The following PDE4B variants were observed in gnomAD, a reference collection of about 807,000 sequenced individuals.
The protein encoded by PDE4B is 3',5'-cyclic-AMP phosphodiesterase 4B.
In PDE4B, 20 loss-of-function variants were observed where a neutral mutation model predicts 82.2. The ratio of observed to expected loss-of-function variants is 0.24; its 90% CI spans 0.17 to 0.35. The LOEUF (loss-of-function observed/expected upper bound fraction) is 0.35, where lower values mean the gene tolerates loss of function less well. Ranked by LOEUF, PDE4B falls within the 10% of genes least tolerant of loss-of-function variation. The pLI is 1.00. For missense variants in PDE4B, 655 were observed against 907.2 expected, an observed-to-expected ratio of 0.72 and a Z score of 3.57; for synonymous variants, 320 against 318.9, an observed-to-expected ratio of 1.00 and a Z score of -0.04.
intron 3 of PDE4B, among the ~76,000 whole-genome samples, chr1:65,920,340 A>G (rs781576649): frequency 6.6e-6 from 1 of 152,200 alleles, no homozygotes; most frequent in African/African-American, 2.4e-5. Flanking sequence ...CAAAGAGGTG[A>G]AGACTGGCAC....
intron 1 of PDE4B, among the ~76,000 whole-genome samples, chr1:65,866,911 A>G (rs1646518102): frequency 6.6e-6 from 1 of 152,222 alleles, no homozygotes; most frequent in Non-Finnish European, 1.5e-5. Flanking sequence ...AAGTTAGAAA[A>G]CGTGAATATA....
intron 3 of PDE4B, among the ~76,000 whole-genome samples, chr1:66,061,233 A>G (rs1444741182): frequency 6.7e-6 from 1 of 149,390 alleles, no homozygotes; most frequent in East Asian, 2.0e-4. Flanking sequence ...AAATAATGTG[A>G]CTTCACACTG....
At chr1:65,940,224 C>T (rs1314994123) in intron 3 of PDE4B, among the ~76,000 whole-genome samples, 6 of 151,020 alleles carry the variant, frequency 4.0e-5, no homozygotes, top group Non-Finnish European at 7.4e-5. Context: ...AGAGGGACTA[C>T]AAATACAAAA....
At chr1:66,098,078 A>G (rs1645152360) in intron 3 of PDE4B, among the ~76,000 whole-genome samples, 1 of 152,100 alleles carries the variant, frequency 6.6e-6, no homozygotes, top group Non-Finnish European at 1.5e-5. Context: ...AGAAACATGA[A>G]TTAAGACTAA....
intron 3 of PDE4B, among the ~76,000 whole-genome samples, chr1:65,950,320 C>T (rs1334828531): frequency 6.6e-6 from 1 of 152,056 alleles, no homozygotes; most frequent in Non-Finnish European, 1.5e-5. Context: ...CAAGGACTAT[C>T]AACATTCCAC....
At chr1:65,859,462 C>G (rs1230251696) in intron 1 of PDE4B, among the ~76,000 whole-genome samples, 2 of 151,948 alleles carry the variant, frequency 1.3e-5, no homozygotes, top group African/African-American at 4.8e-5. Context: ...TAGGTAGATA[C>G]CATCTTTGTA....
intron 3 of PDE4B, among the ~76,000 whole-genome samples, chr1:66,164,535 C>CAAAAAAAAAAAAAAAAAAAAAAAAA (rs10718019): frequency 6.4e-4 from 31 of 48,560 alleles, no homozygotes; most frequent in Admixed American, 1.1e-3. Context: ...GACTCCGTCT[C>CAAAAAAAAAAAAAAAAAAAAAAAAA]AAAAAAAAAA....
chr1:66,336,249 A>G (rs1055300817), intron 8 of PDE4B, among the ~76,000 whole-genome samples: 7 of 152,202 alleles, frequency 4.6e-5, no homozygotes, highest in African/African-American at 1.7e-4. Flanking sequence ...AGACGCAGTC[A>G]GTAAAGTACA....
At chr1:66,107,072 T>G (rs1645378547) in intron 3 of PDE4B, among the ~76,000 whole-genome samples, 1 of 148,044 alleles carries the variant, frequency 6.8e-6, no homozygotes, top group African/African-American at 2.5e-5. Context: ...CTTGTGGGCA[T>G]TTAGTGCTAT....
At chr1:66,189,794 T>C (rs567362858) in intron 3 of PDE4B, among the ~76,000 whole-genome samples, 2 of 152,170 alleles carry the variant, frequency 1.3e-5, no homozygotes, top group Non-Finnish European at 2.9e-5. Flanking sequence ...CTCCTTTAGC[T>C]TGGAGTAGTT....
At chr1:65,832,489 G>T (rs1440182229) in intron 1 of PDE4B, among the ~76,000 whole-genome samples, 3 of 152,156 alleles carry the variant, frequency 2.0e-5, no homozygotes, top group Non-Finnish European at 4.4e-5. Context: ...AGCACAGAGC[G>T]GGAAGGCAAG....
chr1:65,846,723 T>A (rs1285737631), intron 1 of PDE4B, among the ~76,000 whole-genome samples: 1 of 152,208 alleles, frequency 6.6e-6, no homozygotes, highest in Non-Finnish European at 1.5e-5. Context: ...TCTAGCTGTG[T>A]ATCTAGTGTT....
intron 3 of PDE4B, among the ~76,000 whole-genome samples, chr1:66,188,434 G>T (rs1197464065): frequency 6.6e-6 from 1 of 151,858 alleles, no homozygotes; most frequent in East Asian, 1.9e-4. Flanking sequence ...TGACAGTGGG[G>T]TGTTAAAGTC....
At position 66,331,758 on chromosome 1, in the gene PDE4B, A is replaced by G. The variant is rs1231987319; in HGVS notation, c.635-750A>G. The G allele has an allele frequency of 7.1e-6, 7 of 985,346 alleles. No individual in the cohort carries two copies. In the African/African-American group the frequency reaches 1.0e-4, roughly 15 times the overall value. The allele number at this position is 985,346 out of a possible 1,614,324, so 61.0% of individuals were successfully genotyped here. A position where few individuals can be genotyped will look rare whatever the true frequency, so the allele number is the denominator to read the frequency against. ...GGGAAGTTTTAGCTTTGTTTAGTAT[A>G]ACAAGAGCTGCAGGACTCCCAGGCC... On this transcript the variant is annotated intron_variant, in intron 7 of 16. Coordinates refer to ENST00000341517, the MANE Select transcript of PDE4B (RefSeq NM_002600.4).
intron 3 of PDE4B, among the ~76,000 whole-genome samples, chr1:66,161,056 T>C (rs945775811): frequency 1.2e-4 from 1 of 8,630 alleles, no homozygotes; most frequent in African/African-American, 3.0e-4. Context: ...TGAAAGGCAT[T>C]TTTTTTTTCC....
intron 3 of PDE4B, among the ~76,000 whole-genome samples, chr1:66,212,166 T>C (rs1309291739): frequency 1.3e-5 from 2 of 152,226 alleles, no homozygotes; most frequent in Non-Finnish European, 2.9e-5. Context: ...TCTTCCCCAC[T>C]GTCCTTCATG....
At chr1:66,242,646 C>T (rs549804145) in intron 3 of PDE4B, among the ~76,000 whole-genome samples, 3 of 152,302 alleles carry the variant, frequency 2.0e-5, no homozygotes, top group East Asian at 1.9e-4. Flanking sequence ...GGCAATTCTG[C>T]GACCACCTGG....
At chr1:65,850,645 G>A (rs1557778229) in intron 1 of PDE4B, among the ~76,000 whole-genome samples, 1 of 152,058 alleles carries the variant, frequency 6.6e-6, no homozygotes, top group Admixed American at 6.6e-5. Context: ...GAGTAAGAGT[G>A]TGTTTGTGTG....
At chr1:66,132,984 C>T (rs1313917264) in intron 3 of PDE4B, among the ~76,000 whole-genome samples, 6 of 152,092 alleles carry the variant, frequency 3.9e-5, no homozygotes, top group Non-Finnish European at 8.8e-5. Context: ...TTCTTTTCTT[C>T]TGAGGTGGCA....
Sources: gnomAD v4.1 joint callset for allele counts (sites outside exome capture counted in the v4.1 genomes callset) on GRCh38, gnomAD v4.1.1 for gene constraint, MANE v1.5 for transcripts, NCBI Gene and HGNC (gene_info 2026-07-23, HGNC 2026-07-21) for gene names.